Variants in EIF4EBP2 observed in about 807,000 individuals in gnomAD.
EIF4EBP2 encodes eukaryotic translation initiation factor 4E binding protein 2, also known as eukaryotic translation initiation factor 4E-binding protein 2.
A neutral mutation model predicts 10.3 loss-of-function variants in EIF4EBP2; 5 were observed. The observed-to-expected ratio is 0.48, with a 90% CI of 0.25 to 1.02. The LOEUF (loss-of-function observed/expected upper bound fraction) is 1.02, where lower values mean the gene tolerates loss of function less well. EIF4EBP2 is among the 50% of genes least tolerant of loss of function. The pLI, the probability that EIF4EBP2 is intolerant of heterozygous loss-of-function variation, is 0.15. For missense variants in EIF4EBP2, 188 were observed against 162.2 expected (o/e 1.16, Z -0.86); for synonymous variants, 67 against 61.1 (o/e 1.10, Z -0.45).
chr10:70,419,295 A>G (rs770771895), intron 1 of EIF4EBP2, among the ~76,000 whole-genome samples: 35 of 152,192 alleles, frequency 2.3e-4, no homozygotes, highest in Admixed American at 6.5e-4. Context: ...CTTCAAAACT[A>G]TTGTTTTTAA....
Position 70,423,462 on chromosome 10 carries a change from C to T in EIF4EBP2, c.*1715C>T, listed in dbSNP as rs561874974. 1.3e-5 allele frequency: 2 copies of T among 152,712 alleles called. No homozygotes were observed. Among genetic ancestry groups the T allele is most frequent in the Non-Finnish European group, 2.9e-5 (2 of 68,036 alleles). 9.5% of individuals were successfully genotyped at this position (152,712 alleles called of 1,614,324 possible). A position where few individuals can be genotyped will look rare whatever the true frequency, so the allele number is the denominator to read the frequency against. On this transcript the variant is annotated 3_prime_UTR_variant, in exon 3 of 3. Transcript: ENST00000373218. ...TGGGGCTGTTGAGCAGCATAATAAT[C>T]CCGGGAGAATGATTCCCCTCATAGA...
chr10:70,412,774 A>G lies in EIF4EBP2; in HGVS notation c.146-7140A>G, dbSNP rs567266199. Reference sequence around the variant, plus strand: ...TTCCCTAGTAATGTTAAATCTAGAAAGTCCTGGATGAAAGTATTAGATTTA... The same window carrying G: ...TTCCCTAGTAATGTTAAATCTAGAAGGTCCTGGATGAAAGTATTAGATTTA... On this transcript the variant is annotated intron_variant, in intron 1 of 2. Transcript: ENST00000373218. Among the ~76,000 whole-genome samples the G allele has an allele frequency of 6.6e-5, 10 of 152,342 alleles. No homozygotes were observed. In the South Asian group the frequency reaches 2.1e-3, roughly 32 times the overall value.
Position 70,428,405 on chromosome 10 carries a change from G to A in EIF4EBP2, c.*6658G>A, listed in dbSNP as rs765586478. 13 of 152,106 alleles carry A rather than the reference G, an allele frequency of 8.5e-5. No individual in the cohort carries two copies. The highest frequency in any genetic ancestry group is 1.8e-4 in the Non-Finnish European group (12 of 68,044). The allele number at this position is 152,106 out of a possible 1,614,324, so 9.4% of individuals were successfully genotyped here. On this transcript the variant is annotated 3_prime_UTR_variant, in exon 3 of 3. Transcript: ENST00000373218. ...TTCCCTTTGTCTCCCATGATGTGTT[G>A]TTCCCTCATCCCTCCCATCCATTTC...
intron 1 of EIF4EBP2, among the ~76,000 whole-genome samples, chr10:70,405,199 A>G (rs1330454729): frequency 6.6e-6 from 1 of 152,160 alleles, no homozygotes; most frequent in Non-Finnish European, 1.5e-5. Flanking sequence ...TGGGGGTGGT[A>G]GGGTGCTGAC....
intron 2 of EIF4EBP2, among the ~76,000 whole-genome samples, chr10:70,420,984 A>G (rs1391830743): frequency 6.6e-6 from 1 of 151,734 alleles, no homozygotes; most frequent in Non-Finnish European, 1.5e-5. Context: ...TTTAGTAGAG[A>G]CGGGGTTTCA....
intron 1 of EIF4EBP2, among the ~76,000 whole-genome samples, chr10:70,415,417 C>G (rs1845084000): frequency 6.6e-6 from 1 of 152,186 alleles, no homozygotes; most frequent in Non-Finnish European, 1.5e-5. Context: ...ATAATCTCAG[C>G]TGGCTTCTTT....
chr10:70,411,491 G>A (rs990542390), intron 1 of EIF4EBP2, among the ~76,000 whole-genome samples: 1 of 151,856 alleles, frequency 6.6e-6, no homozygotes, highest in African/African-American at 2.4e-5. Flanking sequence ...ACATTCCGAT[G>A]CCCCGTTCCT....
intron 1 of EIF4EBP2, among the ~76,000 whole-genome samples, chr10:70,415,873 GAA>G (rs60699796): frequency 7.0e-5 from 8 of 114,732 alleles, no homozygotes; most frequent in South Asian, 5.5e-4. Context: ...ACAAACAAAA[GAA>G]AAAAAAAAAA....
intron 2 of EIF4EBP2, among the ~76,000 whole-genome samples, chr10:70,421,401 G>T (rs1174700588): frequency 6.6e-6 from 1 of 152,196 alleles, no homozygotes; most frequent in Non-Finnish European, 1.5e-5. Flanking sequence ...AAAGCCTCCA[G>T]AAGAATGTGC....
rs537753894 is a variant in EIF4EBP2 at position 70,410,077 on chromosome 10, T to G, written c.145+5531T>G. The stretch of plus-strand genomic sequence containing the variant: ...TGAAGGGAGCTGCTTTTTTTTTTCT[T>G]TCTTTCTTTGAGACAGAGTTTCACT... On this transcript the variant is annotated intron_variant, in intron 1 of 2. Coordinates refer to ENST00000373218, the MANE Select transcript of EIF4EBP2 (RefSeq NM_004096.5). Among the ~76,000 whole-genome samples, 9 of 152,234 alleles carry G rather than the reference T, an allele frequency of 5.9e-5. No individual in the cohort carries two copies. In the East Asian group the frequency reaches 1.5e-3, roughly 26 times the overall value.
chr10:70,418,071 T>C (rs1473064103), intron 1 of EIF4EBP2, among the ~76,000 whole-genome samples: 1 of 152,150 alleles, frequency 6.6e-6, no homozygotes, highest in African/African-American at 2.4e-5. Context: ...CCCAACATGA[T>C]AGTATTAGGA....
At chr10:70,404,608 C>A (rs553264736) in intron 1 of EIF4EBP2, 62 bp downstream of exon 1, 35 of 1,450,382 alleles carry the variant, frequency 2.4e-5, no homozygotes, top group Admixed American at 5.3e-5. Flanking sequence ...AACTCCTCGG[C>A]GCCTCGGTGC....
intron 1 of EIF4EBP2, among the ~76,000 whole-genome samples, chr10:70,415,588 A>G (rs1432373632): frequency 6.6e-6 from 1 of 152,278 alleles, no homozygotes; most frequent in Non-Finnish European, 1.5e-5. Context: ...ATATAGATCA[A>G]TGGAATAAAA....
At chr10:70,406,050 C>T (rs1844961553) in intron 1 of EIF4EBP2, among the ~76,000 whole-genome samples, 1 of 152,136 alleles carries the variant, frequency 6.6e-6, no homozygotes, top group African/African-American at 2.4e-5. Context: ...GGCACGACCT[C>T]GGCTCACTGC....
chr10:70,420,399 C>A (rs1845143630), intron 2 of EIF4EBP2, among the ~76,000 whole-genome samples: 1 of 151,980 alleles, frequency 6.6e-6, no homozygotes, highest in Non-Finnish European at 1.5e-5. Context: ...CGGGGTTTCG[C>A]CATGTTGCTT....
At position 70,423,762 on chromosome 10, in the gene EIF4EBP2, T is replaced by C. The variant is rs1845181412; in HGVS notation, c.*2015T>C. 2 of 152,662 alleles carry C rather than the reference T, an allele frequency of 1.3e-5. No homozygotes were observed. Among genetic ancestry groups the C allele is most frequent in the Admixed American group, 1.3e-4 (2 of 15,286 alleles). The allele number at this position is 152,662 out of a possible 1,614,324, so 9.5% of individuals were successfully genotyped here. ...TGAATAGTTCAGAGTGAAAACCTTTTGTGATGGTTGATGTCTCAGGAATAA... is the reference window on the plus strand; with the variant it reads ...TGAATAGTTCAGAGTGAAAACCTTTCGTGATGGTTGATGTCTCAGGAATAA... On this transcript the variant is annotated 3_prime_UTR_variant, in exon 3 of 3. Coordinates refer to ENST00000373218, the MANE Select transcript of EIF4EBP2 (RefSeq NM_004096.5).
chr10:70,407,736 C>CG (rs1413543122), intron 1 of EIF4EBP2, among the ~76,000 whole-genome samples: 21 of 141,180 alleles, frequency 1.5e-4, no homozygotes, highest in Non-Finnish European at 2.6e-4. Flanking sequence ...GCTGACCCCC[C>CG]CCCCACCTCC....
intron 1 of EIF4EBP2, among the ~76,000 whole-genome samples, chr10:70,413,630 A>G (rs916075249): frequency 7.1e-6 from 1 of 140,166 alleles, no homozygotes; most frequent in Non-Finnish European, 1.6e-5. Flanking sequence ...AAAAAAAAAA[A>G]AGAAATCAGA....
In EIF4EBP2 at chr10:70,427,665, C is replaced by G. The variant is rs552451641; in HGVS notation, c.*5918C>G. On this transcript the variant is annotated 3_prime_UTR_variant, in exon 3 of 3. Coordinates refer to ENST00000373218, the MANE Select transcript of EIF4EBP2 (RefSeq NM_004096.5). Reference sequence around the variant, plus strand: ...CTGTGGATTCTCTTTGCTTATGGCTCTCTGCCTGCAGCCCTGGCAGACCAT... The same window carrying G: ...CTGTGGATTCTCTTTGCTTATGGCTGTCTGCCTGCAGCCCTGGCAGACCAT... 1.3e-5 allele frequency: 2 copies of G among 152,172 alleles called. No homozygotes were observed. The highest frequency in any genetic ancestry group is 2.4e-5 in the African/African-American group (1 of 41,446). The allele number at this position is 152,172 out of a possible 1,614,324, so 9.4% of individuals were successfully genotyped here.
Sources: allele counts gnomAD v4.1 joint callset (sites outside exome capture counted in the v4.1 genomes callset), GRCh38; gene constraint gnomAD v4.1.1; transcripts MANE v1.5; gene names NCBI Gene and HGNC (gene_info 2026-07-23, HGNC 2026-07-21).